The following RNF213 variants were observed in gnomAD, a reference collection of about 807,000 sequenced individuals.
RNF213 encodes the protein E3 ubiquitin-protein ligase RNF213.
Under a neutral mutation model 514.4 loss-of-function variants are expected in RNF213, and 341 were observed. The observed-to-expected ratio is 0.66, with a 90% CI of 0.61 to 0.73. RNF213 has a LOEUF of 0.73. Ranked by LOEUF, RNF213 falls within the 30% of genes least tolerant of loss-of-function variation. The pLI, the probability that RNF213 is intolerant of heterozygous loss-of-function variation, is 0.00. For synonymous variants in RNF213, 2,655 were observed against 2,658.2 expected, an observed-to-expected ratio of 1.00 and a Z score of 0.04; for missense variants, 5,767 against 6,615.6, an observed-to-expected ratio of 0.87 and a Z score of 4.45.
At chr17:80,273,651 C>T (rs919877398) in intron 3 of RNF213, among the ~76,000 whole-genome samples, 5 of 139,916 alleles carry the variant, frequency 3.6e-5, no homozygotes, top group Non-Finnish European at 6.1e-5. Flanking sequence ...CAGAGTTTCG[C>T]TCTTGTTGCC....
chr17:80,352,687 C>A, intron 32 of RNF213: 1 of 635,166 alleles, frequency 1.6e-6, no homozygotes, highest in Non-Finnish European at 2.9e-6. Context: ...ATGCGTCCTT[C>A]CCACGCTGGC....
At chr17:80,293,595 G>C (rs567052227) in intron 8 of RNF213, among the ~76,000 whole-genome samples, 1 of 151,900 alleles carries the variant, frequency 6.6e-6, no homozygotes, top group Non-Finnish European at 1.5e-5. Flanking sequence ...AGGCCGAGGC[G>C]GGCGGATCAC....
intron 63 of RNF213, 140 bp downstream of exon 63, chr17:80,387,031 C>T (rs1212583947): frequency 2.7e-5 from 23 of 837,590 alleles, no homozygotes; most frequent in African/African-American, 2.2e-4. Flanking sequence ...CTGCAGCTCC[C>T]GAGGCCACCA....
intron 59 of RNF213, chr17:80,384,815 G>T (rs917618660): frequency 3.4e-6 from 2 of 592,954 alleles, no homozygotes; most frequent in Admixed American, 4.9e-5. Flanking sequence ...CTCCATAGAG[G>T]CTGGGCTCCC....
intron 13 of RNF213, among the ~76,000 whole-genome samples, chr17:80,307,854 G>GTTTGTGTTTT (rs2045423846): frequency 7.7e-6 from 1 of 130,716 alleles, no homozygotes. Context: ...CTGGCCGTCT[G>GTTTGTGTTTT]TTTTTTTTTT....
rs549918152 is a variant in RNF213, at chr17:80,384,404, T to A, written c.14322+476T>A. Among the ~76,000 whole-genome samples the A allele has an allele frequency of 3.3e-5, 5 of 152,336 alleles. No homozygotes were observed. In the East Asian group the frequency reaches 7.7e-4, roughly 23 times the overall value. On this transcript the variant is annotated intron_variant, in intron 59 of 67. Coordinates refer to ENST00000582970, the MANE Select transcript of RNF213 (RefSeq NM_001256071.3). ...GGAGCAGTCAAGTGTACTGGCCACA[T>A]CTGTTGGAATTGGAAATATACTTTC... is the stretch of plus-strand genomic sequence containing the variant.
At chr17:80,376,177 A>C (rs1386919759) in intron 51 of RNF213, 124 bp from the exon 52 acceptor site, 1 of 1,197,280 alleles carries the variant, frequency 8.4e-7, no homozygotes, top group East Asian at 2.3e-5. Flanking sequence ...TTTCCCCCTC[A>C]AATGGTGGTG....
At chr17:80,298,157 T>C (rs1455393395) in intron 10 of RNF213, among the ~76,000 whole-genome samples, 164 bp from the exon 11 acceptor site, 1 of 152,134 alleles carries the variant, frequency 6.6e-6, no homozygotes, top group Non-Finnish European at 1.5e-5. Context: ...GGCTGGGGGC[T>C]GAGGGAAGCC....
intron 55 of RNF213, 116 bp from the exon 56 acceptor site, chr17:80,380,715 G>A: frequency 8.3e-7 from 1 of 1,201,552 alleles, no homozygotes; most frequent in Admixed American, 1.7e-5. Flanking sequence ...GGAACAGCAA[G>A]TACTCTTCAC....
intron 42 of RNF213, among the ~76,000 whole-genome samples, chr17:80,367,176 A>G (rs1428393864): frequency 6.6e-6 from 1 of 152,210 alleles, no homozygotes; most frequent in African/African-American, 2.4e-5. Flanking sequence ...CATTGATATC[A>G]AGTTTTAAAA....
At chr17:80,262,671 T>A (rs1224614327) in intron 1 of RNF213, among the ~76,000 whole-genome samples, 1 of 152,214 alleles carries the variant, frequency 6.6e-6, no homozygotes, top group Non-Finnish European at 1.5e-5. Flanking sequence ...GTGGTTGCTC[T>A]GAATAGCCAT....
Position 80,295,767 on chromosome 17 carries a change from G to C in RNF213, c.1966G>C (p.Asp656His). The C allele has an allele frequency of 6.2e-7, 1 of 1,614,212 alleles. No individual in the cohort carries two copies. The highest frequency in any genetic ancestry group is 8.5e-7 in the Non-Finnish European group (1 of 1,180,042). ...HLLTSDASSPDEFHRDLSHIL... is the reference protein window; with the variant it reads ...HLLTSDASSPHEFHRDLSHIL... ...CCTAACCTCAGATGCCAGCTCACCA[G>C]ATGAGTTTCACCGTGACCTAAGCCA... is the stretch of plus-strand genomic sequence containing the variant. The change falls in exon 10 of 68, where the codon GAT becomes CAT. Residue 656 changes from aspartate to histidine, a missense_variant. Physicochemically the swap from Asp to His is moderately conservative, Grantham distance 81. Transcript: ENST00000582970.
At chr17:80,358,766 G>T (rs1185202194) in intron 37 of RNF213, among the ~76,000 whole-genome samples, 1 of 152,124 alleles carries the variant, frequency 6.6e-6, no homozygotes, top group East Asian at 1.9e-4. Flanking sequence ...AAAATTAGCT[G>T]GGCGTGGTGG....
At chr17:80,269,754 C>T (rs1201060132) in intron 2 of RNF213, among the ~76,000 whole-genome samples, 1 of 151,854 alleles carries the variant, frequency 6.6e-6, no homozygotes. Flanking sequence ...CCCATCTTAT[C>T]TATCCATCCG....
intron 20 of RNF213, among the ~76,000 whole-genome samples, chr17:80,330,631 G>A (rs2046388580): frequency 6.6e-6 from 1 of 152,224 alleles, no homozygotes; most frequent in Admixed American, 6.5e-5. Flanking sequence ...CATGTCTTCT[G>A]TTAGCTTCCT....
rs1030121415 is a variant in RNF213, at chr17:80,377,177, C to T, written c.13510+214C>T. On this transcript the variant is annotated intron_variant, in intron 53 of 67. Coordinates refer to ENST00000582970, the MANE Select transcript of RNF213 (RefSeq NM_001256071.3). This position sits in a 1 kb window ranked among gnomAD's most constrained non-coding sequence, Gnocchi z 4.1. ...GATCCAAACCATTTCATTTCTTTGT[C>T]GTGTGGAAAAGGCCCTCTGTGATGC... 8 of 580,920 alleles carry T rather than the reference C, an allele frequency of 1.4e-5. No homozygotes were observed. Among genetic ancestry groups the T allele is most frequent in the African/African-American group, 9.3e-5 (5 of 53,616 alleles). 36.0% of individuals were successfully genotyped at this position (580,920 alleles called of 1,614,324 possible).
chr17:80,332,057 G>A lies in RNF213; in HGVS notation c.3569G>A (p.Arg1190Lys). 1 of 1,537,164 alleles carries A rather than the reference G, an allele frequency of 6.5e-7. No individual in the cohort carries two copies. The highest frequency in any genetic ancestry group is 8.7e-7 in the Non-Finnish European group (1 of 1,146,922). Reference sequence around the variant, plus strand: ...CACTCACAAGACCTCAGCAGTAAAAGATTAAATGACACCGTGACAGTGAGA... The same window carrying A: ...CACTCACAAGACCTCAGCAGTAAAAAATTAAATGACACCGTGACAGTGAGA... ...VRHSQDLSSK[R>K]LNDTVTVRLS... is the part of the protein sequence containing the mutation. Residue 1190 changes from arginine (R) to lysine (K), a missense_variant, in exon 21 of 68, where the codon AGA becomes AAA. Arg to Lys is a conservative substitution (Grantham distance 26, BLOSUM62 2). Around this residue, in one of 13 missense-constraint regions of RNF213, gnomAD observed 516 missense variants for 566.5 expected, o/e 0.91. Coordinates refer to ENST00000582970, the MANE Select transcript of RNF213 (RefSeq NM_001256071.3).
In RNF213 at chr17:80,328,393, G is replaced by C; in HGVS notation, c.3433G>C (p.Glu1145Gln). Residue 1145 changes from glutamate to glutamine, a missense_variant, in exon 20 of 68, where the codon GAG (glutamate) becomes CAG (glutamine). Physicochemically the swap from Glu to Gln is conservative, Grantham distance 29. Around this residue, in one of 13 missense-constraint regions of RNF213, gnomAD observed 516 missense variants for 566.5 expected, o/e 0.91. Transcript: ENST00000582970. ...GGAGGAAGCACTGGATTGGAGAAGG[G>C]AGGAACTGTTACTTCTAAAGAAAGA... is the stretch of plus-strand genomic sequence containing the variant. ...AVEEALDWRR[E>Q]ELLLLKKEKR... 1 of 1,537,200 alleles carries C rather than the reference G, an allele frequency of 6.5e-7. No individual in the cohort carries two copies. The highest frequency in any genetic ancestry group is 8.7e-7 in the Non-Finnish European group (1 of 1,146,872).
chr17:80,381,214 CTG>C (rs1260276575), intron 56 of RNF213: 11 of 618,514 alleles, frequency 1.8e-5, no homozygotes, highest in African/African-American at 1.6e-4. Flanking sequence ...AATTAACACT[CTG>C]TGTCTCTGGT....
Sources: gnomAD v4.1 joint callset for allele counts (sites outside exome capture counted in the v4.1 genomes callset) on GRCh38, gnomAD v4.1.1 for gene constraint, gnomAD v4.1.1 regional missense constraint, Gnocchi (gnomAD v3.1) non-coding constraint, MANE v1.5 for transcripts, NCBI Gene and HGNC (gene_info 2026-07-23, HGNC 2026-07-21) for gene names.